Variants in SPAG16 observed in about 807,000 individuals in gnomAD.
The protein encoded by SPAG16 is sperm-associated antigen 16 protein.
Under a neutral mutation model 80.4 loss-of-function variants are expected in SPAG16, and 86 were observed. That is an observed-to-expected ratio of 1.07 (90% CI 0.90 to 1.28). The LOEUF (loss-of-function observed/expected upper bound fraction) is 1.28. Among genes scored for constraint, SPAG16 ranks in the 50% most tolerant of loss-of-function variants. The pLI is 0.00. For synonymous variants in SPAG16, 294 were observed against 265.9 expected, an observed-to-expected ratio of 1.11 and a Z score of -1.03; for missense variants, 870 against 765.3, an observed-to-expected ratio of 1.14 and a Z score of -1.61.
intron 10 of SPAG16, among the ~76,000 whole-genome samples, chr2:213,776,597 C>G (rs1419417661): frequency 1.3e-5 from 2 of 152,110 alleles, no homozygotes. Flanking sequence ...TTCTGAATAT[C>G]AATTTGTAAA....
intron 3 of SPAG16, among the ~76,000 whole-genome samples, chr2:213,301,073 C>T (rs988726326): frequency 5.3e-5 from 8 of 152,054 alleles, no homozygotes; most frequent in Non-Finnish European, 1.0e-4. Flanking sequence ...CGGAAAAAAA[C>T]GCAATTACTT....
At chr2:213,493,846 C>T (rs1038472549) in intron 10 of SPAG16, among the ~76,000 whole-genome samples, 1 of 152,140 alleles carries the variant, frequency 6.6e-6, no homozygotes, top group African/African-American at 2.4e-5. Context: ...ATGCTGTTTC[C>T]TCATATCCTG....
intron 13 of SPAG16, among the ~76,000 whole-genome samples, chr2:214,025,521 C>T (rs978935234): frequency 5.3e-5 from 8 of 151,614 alleles, no homozygotes; most frequent in African/African-American, 1.9e-4. Flanking sequence ...TTCAAATTCA[C>T]TGTAGTACCA....
intron 11 of SPAG16, among the ~76,000 whole-genome samples, chr2:213,878,956 A>T (rs2076243471): frequency 1.3e-5 from 2 of 151,926 alleles, no homozygotes; most frequent in South Asian, 4.1e-4. Flanking sequence ...GATCAGGTGG[A>T]TGTGGATGTG....
chr2:213,635,257 G>A (rs1420838909), intron 10 of SPAG16, among the ~76,000 whole-genome samples: 4 of 151,904 alleles, frequency 2.6e-5, no homozygotes, highest in South Asian at 4.1e-4. Flanking sequence ...GGATGGTCTC[G>A]ATCTCCTGAC....
At chr2:214,154,853 C>A (rs1459760644) in intron 15 of SPAG16, among the ~76,000 whole-genome samples, 1 of 152,012 alleles carries the variant, frequency 6.6e-6, no homozygotes, top group Non-Finnish European at 1.5e-5. Flanking sequence ...AGATTTATTC[C>A]TAACCTAAAA....
chr2:213,574,289 A>G (rs979309213), intron 10 of SPAG16, among the ~76,000 whole-genome samples: 3 of 152,082 alleles, frequency 2.0e-5, no homozygotes, highest in Non-Finnish European at 4.4e-5. Context: ...TGTTTTCTTG[A>G]TGTTCTATGT....
chr2:213,443,238 G>A (rs1023875955), intron 9 of SPAG16, among the ~76,000 whole-genome samples: 2 of 152,062 alleles, frequency 1.3e-5, no homozygotes, highest in African/African-American at 2.4e-5. Context: ...TAGTCCTTAT[G>A]ATTTACATTA....
chr2:213,565,403 A>G (rs543911635), intron 10 of SPAG16, among the ~76,000 whole-genome samples: 14 of 152,386 alleles, frequency 9.2e-5, no homozygotes, highest in South Asian at 2.1e-4. Flanking sequence ...TTTCTAAGCA[A>G]TTCTTCCATT....
chr2:213,427,475 C>A (rs1282768399), intron 9 of SPAG16, among the ~76,000 whole-genome samples: 1 of 152,048 alleles, frequency 6.6e-6, no homozygotes, highest in African/African-American at 2.4e-5. Context: ...ATTTGATACA[C>A]CTTGCCTGTA....
intron 13 of SPAG16, among the ~76,000 whole-genome samples, chr2:214,040,688 G>A (rs527854469): frequency 2.0e-4 from 31 of 152,118 alleles, no homozygotes; most frequent in South Asian, 1.9e-3. Flanking sequence ...TGTATGTAGC[G>A]TTTTGGAAGT....
At chr2:213,337,244 A>G (rs1294211491) in intron 5 of SPAG16, among the ~76,000 whole-genome samples, 2 of 152,250 alleles carry the variant, frequency 1.3e-5, no homozygotes, top group African/African-American at 2.4e-5. Context: ...TCAAAGGTAG[A>G]TAAACTCATG....
intron 10 of SPAG16, among the ~76,000 whole-genome samples, chr2:213,673,903 T>C (rs919977136): frequency 6.6e-6 from 1 of 152,140 alleles, no homozygotes; most frequent in Admixed American, 6.6e-5. Flanking sequence ...GTGAAAAAAG[T>C]CTCATGTTAC....
At chr2:213,357,415 A>G (rs1182513070) in intron 7 of SPAG16, among the ~76,000 whole-genome samples, 3 of 152,064 alleles carry the variant, frequency 2.0e-5, no homozygotes, top group African/African-American at 7.2e-5. Context: ...GTCTCTAAGG[A>G]CTTCCTTTAT....
intron 10 of SPAG16, among the ~76,000 whole-genome samples, chr2:213,769,886 A>G (rs1021402435): frequency 2.6e-5 from 4 of 152,184 alleles, no homozygotes; most frequent in African/African-American, 9.7e-5. Context: ...ATTGCTATCA[A>G]CTCACAAAGT....
intron 13 of SPAG16, among the ~76,000 whole-genome samples, chr2:214,039,470 A>T (rs1490274156): frequency 2.0e-5 from 3 of 152,216 alleles, no homozygotes; most frequent in African/African-American, 7.2e-5. Flanking sequence ...TAAACTAAAG[A>T]GCTTCTGCAC....
At chr2:213,846,662 A>G (rs1327468045) in intron 10 of SPAG16, among the ~76,000 whole-genome samples, 1 of 152,176 alleles carries the variant, frequency 6.6e-6, no homozygotes, top group East Asian at 1.9e-4. Flanking sequence ...TTAAAATATT[A>G]GAAGCTATAA....
At chr2:213,768,638 C>A (rs2069078208) in intron 10 of SPAG16, among the ~76,000 whole-genome samples, 1 of 152,082 alleles carries the variant, frequency 6.6e-6, no homozygotes, top group African/African-American at 2.4e-5. Flanking sequence ...AATAATAGGT[C>A]TCAGATGATG....
At chr2:213,848,323 TA>T (rs1272557420) in intron 10 of SPAG16, among the ~76,000 whole-genome samples, 1 of 152,192 alleles carries the variant, frequency 6.6e-6, no homozygotes, top group Non-Finnish European at 1.5e-5. Context: ...CAGCAGAATT[TA>T]AGATGCAGAG....
Sources: gnomAD v4.1 joint callset for allele counts (sites outside exome capture counted in the v4.1 genomes callset) on GRCh38, gnomAD v4.1.1 for gene constraint, MANE v1.5 for transcripts, NCBI Gene and HGNC (gene_info 2026-07-23, HGNC 2026-07-21) for gene names.